The following TAFA5 variants were observed in gnomAD, a reference collection of about 807,000 sequenced individuals.
TAFA5 encodes the protein TAFA chemokine like family member 5.
A neutral mutation model predicts 15.3 loss-of-function variants in TAFA5; 6 were observed. The ratio of observed to expected loss-of-function variants is 0.39; its 90% CI spans 0.21 to 0.77. The LOEUF (loss-of-function observed/expected upper bound fraction) is 0.77. Ranked by LOEUF, TAFA5 falls within the 30% of genes least tolerant of loss-of-function variation. TAFA5 has a pLI of 0.41. For missense variants in TAFA5, 161 were observed against 193.1 expected (o/e 0.83, Z 0.98); for synonymous variants, 103 against 80.7 (o/e 1.28, Z -1.48).
intron 1 of TAFA5, among the ~76,000 whole-genome samples, chr22:48,516,486 G>C (rs1019380438): frequency 2.6e-5 from 4 of 152,174 alleles, no homozygotes; most frequent in African/African-American, 9.7e-5. Context: ...CGAAATGGGG[G>C]CCCGCCCCCA....
At chr22:48,522,841 G>A (rs1221932753) in intron 1 of TAFA5, among the ~76,000 whole-genome samples, 1 of 152,236 alleles carries the variant, frequency 6.6e-6, no homozygotes, top group Non-Finnish European at 1.5e-5. Context: ...TGGCTGGGAG[G>A]CCTCCCTACA....
At chr22:48,522,680 G>A (rs1302475259) in intron 1 of TAFA5, among the ~76,000 whole-genome samples, 1 of 152,208 alleles carries the variant, frequency 6.6e-6, no homozygotes, top group Non-Finnish European at 1.5e-5. Context: ...CAGGCCATGG[G>A]AGAGACTGCC....
Position 48,665,141 on chromosome 22 carries a change from A to G in TAFA5, c.262+18395A>G, listed in dbSNP as rs550672875. 6.6e-5 allele frequency among the ~76,000 whole-genome samples: 10 copies of G among 152,208 alleles called. No homozygotes were observed. In the East Asian group the frequency reaches 1.9e-3, roughly 29 times the overall value. On this transcript the variant is annotated intron_variant, in intron 2 of 3. Transcript: ENST00000402357. Reference sequence around the variant, plus strand: ...TTGCTGAGCCTACGGTGTTTCGTGGACTTGGTTTTTTCTGCTGCGTCAAGA... The same window carrying G: ...TTGCTGAGCCTACGGTGTTTCGTGGGCTTGGTTTTTTCTGCTGCGTCAAGA...
intron 2 of TAFA5, among the ~76,000 whole-genome samples, chr22:48,669,873 T>A (rs1001260849): frequency 6.6e-6 from 1 of 152,226 alleles, no homozygotes; most frequent in African/African-American, 2.4e-5. Flanking sequence ...AGATTGTGAT[T>A]CCACGTTTCA....
intron 1 of TAFA5, among the ~76,000 whole-genome samples, chr22:48,620,601 A>ACCCATCCTATCCACCCACCCACCACCC (rs1925768077): frequency 1.8e-4 from 3 of 16,776 alleles, no homozygotes; most frequent in Non-Finnish European, 2.2e-4. Flanking sequence ...CCACCCCCCT[A>ACCCATCCTATCCACCCACCCACCACCC]CCCATCCTAT....
intron 1 of TAFA5, among the ~76,000 whole-genome samples, chr22:48,645,252 G>C (rs996868904): frequency 6.6e-6 from 1 of 152,112 alleles, no homozygotes; most frequent in Non-Finnish European, 1.5e-5. Context: ...GGGGATGCTG[G>C]GTTTTCATCT....
chr22:48,684,395 G>C (rs894326602), intron 2 of TAFA5, among the ~76,000 whole-genome samples: 1 of 152,078 alleles, frequency 6.6e-6, no homozygotes, highest in East Asian at 1.9e-4. Context: ...AGGGAAGGGC[G>C]ATGGAGTGAC....
intron 2 of TAFA5, among the ~76,000 whole-genome samples, chr22:48,678,241 G>A (rs953605031): frequency 6.6e-6 from 1 of 152,186 alleles, no homozygotes; most frequent in Non-Finnish European, 1.5e-5. Flanking sequence ...GGCTATAAGG[G>A]CCCCCAGGGA....
chr22:48,490,368 G>A lies in TAFA5; in HGVS notation c.112+664G>A, dbSNP rs1425417568. On this transcript the variant is annotated intron_variant, in intron 1 of 3. Transcript: ENST00000402357. This position sits in a 1 kb window ranked among gnomAD's most constrained non-coding sequence, Gnocchi z 5.8. ...GCGGGACTGGCGCGGGCGCGGGCTG[G>A]GGTGGTGCGGGCCAGTGGGCGCCCG... Among the ~76,000 whole-genome samples, 1 of 151,878 alleles carries A rather than the reference G, an allele frequency of 6.6e-6. No individual in the cohort carries two copies. Among genetic ancestry groups the A allele is most frequent in the East Asian group, 2.0e-4 (1 of 5,110 alleles).
At position 48,559,872 on chromosome 22, in the gene TAFA5, C is replaced by T. The variant is rs16999445; in HGVS notation, c.112+70168C>T. 8.1e-3 allele frequency among the ~76,000 whole-genome samples: 1,234 copies of T among 152,262 alleles called. 80 individuals carry two copies. The East Asian group carries it at 0.17, about 21-fold the overall frequency. On this transcript the variant is annotated intron_variant, in intron 1 of 3. Transcript: ENST00000402357. ...CCCGGGTCTTCATCCTCATTACAAC[C>T]ATCGCCAGAGATGCGGTCGCCGTGC...
intron 1 of TAFA5, among the ~76,000 whole-genome samples, chr22:48,503,191 G>A (rs1920962893): frequency 6.6e-6 from 1 of 152,238 alleles, no homozygotes. Context: ...CTGTGAGCTG[G>A]AGAAGGCAGG....
intron 1 of TAFA5, among the ~76,000 whole-genome samples, chr22:48,607,735 G>A (rs1416128594): frequency 6.6e-6 from 1 of 151,856 alleles, no homozygotes; most frequent in Admixed American, 6.5e-5. Context: ...AATGGGGGTT[G>A]GGGAGGCGGG....
intron 1 of TAFA5, among the ~76,000 whole-genome samples, chr22:48,610,713 G>GCT (rs1355750807): frequency 6.6e-6 from 1 of 152,202 alleles, no homozygotes; most frequent in East Asian, 1.9e-4. Flanking sequence ...TTGGTCCCGT[G>GCT]CTGTGTGTGT....
intron 2 of TAFA5, among the ~76,000 whole-genome samples, chr22:48,700,065 C>G (rs1338240785): frequency 3.9e-5 from 6 of 152,208 alleles, no homozygotes. Context: ...ACACACCCCA[C>G]CTCACACACA....
At chr22:48,638,993 G>A (rs1040729876) in intron 1 of TAFA5, among the ~76,000 whole-genome samples, 1 of 151,736 alleles carries the variant, frequency 6.6e-6, no homozygotes, top group African/African-American at 2.4e-5. Flanking sequence ...CCGACACTAA[G>A]CCCTGGGACA....
In TAFA5 at chr22:48,742,450, G is replaced by A. The variant is rs538316399; in HGVS notation, c.391-7389G>A. Reference sequence around the variant, plus strand: ...AGGTGGGGCAGGAGACGGGTGGAGCGGGTGGTGCTGTGTGGCGGAGCTGGC... The same window carrying A: ...AGGTGGGGCAGGAGACGGGTGGAGCAGGTGGTGCTGTGTGGCGGAGCTGGC... On this transcript the variant is annotated intron_variant, in intron 3 of 3. Transcript: ENST00000402357. This position sits in a 1 kb window ranked among gnomAD's most constrained non-coding sequence, Gnocchi z 6.2. 7.2e-5 allele frequency among the ~76,000 whole-genome samples: 11 copies of A among 152,310 alleles called. No individual in the cohort carries two copies. The South Asian group carries it at 1.5e-3, about 20-fold the overall frequency.
intron 3 of TAFA5, among the ~76,000 whole-genome samples, chr22:48,722,852 A>G (rs1489018616): frequency 1.3e-5 from 2 of 152,204 alleles, no homozygotes; most frequent in East Asian, 1.9e-4. Flanking sequence ...TCTAGGGTCC[A>G]TCCTAACAGT....
At position 48,602,201 on chromosome 22, in the gene TAFA5, T is replaced by C. The variant is rs79866080; in HGVS notation, c.113-44396T>C. On this transcript the variant is annotated intron_variant, in intron 1 of 3. Transcript: ENST00000402357. Reference sequence around the variant, plus strand: ...AGGGGCCTCTCCTTGTAGTTTGAATTTGCGCCTCATCCTCAGAGACAGTGT... The same window carrying C: ...AGGGGCCTCTCCTTGTAGTTTGAATCTGCGCCTCATCCTCAGAGACAGTGT... 3.3e-3 allele frequency among the ~76,000 whole-genome samples: 508 copies of C among 152,272 alleles called. 16 individuals carry two copies. The East Asian group carries it at 0.082, about 25-fold the overall frequency.
intron 1 of TAFA5, chr22:48,539,583 G>C (rs1922287920): frequency 2.5e-5 from 11 of 431,898 alleles, no homozygotes; most frequent in South Asian, 1.0e-4. Context: ...AGCCCCTCAG[G>C]TGGAAATCGG....
Sources: allele counts gnomAD v4.1 joint callset (sites outside exome capture counted in the v4.1 genomes callset), GRCh38; gene constraint gnomAD v4.1.1; non-coding constraint Gnocchi (gnomAD v3.1); transcripts MANE v1.5; gene names NCBI Gene and HGNC (gene_info 2026-07-23, HGNC 2026-07-21).